PLCZ1: variants seen among roughly 807,000 people sequenced by gnomAD.
PLCZ1 encodes the protein 1-phosphatidylinositol 4,5-bisphosphate phosphodiesterase zeta-1.
A neutral mutation model predicts 76.8 loss-of-function variants in PLCZ1; 64 were observed. That is an observed-to-expected ratio of 0.83 (90% confidence interval 0.68 to 1.03). The LOEUF (loss-of-function observed/expected upper bound fraction) is 1.03, where lower values mean the gene tolerates loss of function less well. Ranked by LOEUF, PLCZ1 falls within the 50% of genes least tolerant of loss-of-function variation. The probability of loss-of-function intolerance (pLI) is 0.00; values close to 1 mark genes in which losing one functional copy is unlikely to be tolerated. For missense variants in PLCZ1, 751 were observed against 713.7 expected (o/e 1.05, Z -0.60); for synonymous variants, 248 against 230.8 (o/e 1.07, Z -0.68).
At chr12:18,698,288 C>CTATTCTATTCTATTCTAT (rs1565677402) in intron 10 of PLCZ1, among the ~76,000 whole-genome samples, 1 of 54,872 alleles carries the variant, frequency 1.8e-5, no homozygotes, top group African/African-American at 8.2e-5. Context: ...TTCTATTCTA[C>CTATTCTATTCTATTCTAT]TCCATTCCAT....
At chr12:18,688,441 A>G (rs1953518266) in intron 12 of PLCZ1, among the ~76,000 whole-genome samples, 1 of 152,036 alleles carries the variant, frequency 6.6e-6, no homozygotes, top group African/African-American at 2.4e-5. Context: ...TGAAATCCAC[A>G]ATGTCCACAA....
intron 6 of PLCZ1, among the ~76,000 whole-genome samples, chr12:18,708,421 C>A (rs10841070): frequency 0.43 from 65,396 of 152,098 alleles, 16,701 homozygotes; most frequent in South Asian, 0.6. Context: ...TCAATGAACA[C>A]TAGGTTGTTT....
At position 18,683,394 on chromosome 12, in the gene PLCZ1, AG is replaced by A; in HGVS notation, c.1742-71del. The A allele has an allele frequency of 2.0e-6, 3 of 1,518,608 alleles. No homozygotes were observed. In the South Asian group the frequency reaches 3.4e-5, roughly 17 times the overall value. The allele number at this position is 1,518,608 out of a possible 1,614,324, so 94.1% of individuals were successfully genotyped here. A position where few individuals can be genotyped will look rare whatever the true frequency, so the allele number is the denominator to read the frequency against. ...AGTGGTGTCTCCAATAGCCTTGCTG[AG>A]AAACAAGAGCTCTTTACTAAGCCTA... On this transcript the variant is annotated intron_variant, in intron 14 of 14. Transcript: ENST00000266505.
At chr12:18,733,597 A>T (rs1185072470) in intron 3 of PLCZ1, among the ~76,000 whole-genome samples, 1 of 152,154 alleles carries the variant, frequency 6.6e-6, no homozygotes, top group Non-Finnish European at 1.5e-5. Flanking sequence ...TCATAGTTTC[A>T]GGTCTCAAGT....
chr12:18,693,523 A>T (rs1954465279), intron 12 of PLCZ1: 2 of 1,611,852 alleles, frequency 1.2e-6, no homozygotes, highest in Non-Finnish European at 1.7e-6. Context: ...CTTTCTTGAG[A>T]GTGGTTGGCT....
the PLCZ1 span, among the ~76,000 whole-genome samples, chr12:18,677,372 C>CTAGT: frequency 1.3e-5 from 2 of 152,082 alleles, no homozygotes; most frequent in South Asian, 4.1e-4. Context: ...AGAGGCAAGG[C>CTAGT]TAGTTGTTTT....
At chr12:18,669,642 G>T in the PLCZ1 span, among the ~76,000 whole-genome samples, 1 of 151,652 alleles carries the variant, frequency 6.6e-6, no homozygotes. Context: ...GCAGAGAGAG[G>T]AAGCTCTGGT....
the PLCZ1 span, among the ~76,000 whole-genome samples, chr12:18,645,936 T>C: frequency 6.6e-6 from 1 of 152,132 alleles, no homozygotes; most frequent in Non-Finnish European, 1.5e-5. Flanking sequence ...CTCTGTAAAA[T>C]AAGAGAGGAG....
At chr12:18,646,287 G>T in the PLCZ1 span, among the ~76,000 whole-genome samples, 8 of 152,142 alleles carry the variant, frequency 5.3e-5, no homozygotes, top group African/African-American at 1.9e-4. Flanking sequence ...ATATGTACAA[G>T]AAAATATCAT....
At chr12:18,688,520 C>G (rs1218550718) in intron 12 of PLCZ1, among the ~76,000 whole-genome samples, 1 of 151,036 alleles carries the variant, frequency 6.6e-6, no homozygotes, top group East Asian at 1.9e-4. Flanking sequence ...GAATTCAGGT[C>G]GAGTTACTCT....
At chr12:18,699,488 C>T (rs181231295) in intron 10 of PLCZ1, among the ~76,000 whole-genome samples, 1 of 152,242 alleles carries the variant, frequency 6.6e-6, no homozygotes, top group Admixed American at 6.5e-5. Flanking sequence ...CTCTGCCTCC[C>T]TCTGCAGCCC....
chr12:18,652,248 A>G, the PLCZ1 span, among the ~76,000 whole-genome samples: 1 of 152,142 alleles, frequency 6.6e-6, no homozygotes, highest in African/African-American at 2.4e-5. Context: ...CGCCAGTCCC[A>G]TATACCAGTC....
chr12:18,670,136 A>G, the PLCZ1 span, among the ~76,000 whole-genome samples: 1 of 152,196 alleles, frequency 6.6e-6, no homozygotes, highest in East Asian at 1.9e-4. Flanking sequence ...TAAACATTCC[A>G]TTCACAACAG....
chr12:18,720,095 A>G (rs1958353446), intron 4 of PLCZ1, among the ~76,000 whole-genome samples: 1 of 152,034 alleles, frequency 6.6e-6, no homozygotes, highest in African/African-American at 2.4e-5. Context: ...CTTTATATGA[A>G]TTGACTCAGA....
chr12:18,657,216 A>G, the PLCZ1 span, among the ~76,000 whole-genome samples: 2 of 152,286 alleles, frequency 1.3e-5, no homozygotes, highest in East Asian at 3.9e-4. Flanking sequence ...ATAGAGTTGG[A>G]ACAAACAATT....
chr12:18,658,457 G>A, the PLCZ1 span, among the ~76,000 whole-genome samples: 490 of 152,228 alleles, frequency 3.2e-3, 1 homozygote, highest in African/African-American at 0.011. Flanking sequence ...AAGTCATTAT[G>A]CACAAGAAAT....
intron 10 of PLCZ1, 47 bp downstream of exon 10, chr12:18,699,747 A>C (rs1383069647): frequency 6.5e-7 from 1 of 1,549,098 alleles, no homozygotes. Flanking sequence ...CTAGCAGTGA[A>C]TCTAACTCAT....
chr12:18,715,639 G>C (rs1037377643), intron 5 of PLCZ1: 1 of 152,026 alleles, frequency 6.6e-6, no homozygotes, highest in Non-Finnish European at 1.5e-5. Flanking sequence ...TTTGCTTTTT[G>C]TTTTTGTGTC....
chr12:18,685,842 A>G (rs1309354009), intron 13 of PLCZ1, among the ~76,000 whole-genome samples: 5 of 145,400 alleles, frequency 3.4e-5, no homozygotes, highest in African/African-American at 1.3e-4. Flanking sequence ...ACACACACAC[A>G]CGCGCACACA....
Sources: allele counts gnomAD v4.1 joint callset (sites outside exome capture counted in the v4.1 genomes callset), GRCh38; gene constraint gnomAD v4.1.1; transcripts MANE v1.5; gene names NCBI Gene and HGNC (gene_info 2026-07-23, HGNC 2026-07-21).